The following ASIC2 variants were observed in gnomAD, a reference collection of about 807,000 sequenced individuals.
ASIC2 encodes acid sensing ion channel subunit 2.
Under a neutral mutation model 57.3 loss-of-function variants are expected in ASIC2, and 25 were observed. The observed-to-expected ratio is 0.44, with a 90% CI of 0.32 to 0.61. The LOEUF (loss-of-function observed/expected upper bound fraction) is 0.61, where lower values mean the gene tolerates loss of function less well. ASIC2 is among the 20% of genes least tolerant of loss of function. The pLI, the probability that ASIC2 is intolerant of heterozygous loss-of-function variation, is 0.06. For missense variants in ASIC2, 641 were observed against 738.1 expected, an observed-to-expected ratio of 0.87 and a Z score of 1.52; for synonymous variants, 319 against 307.5, an observed-to-expected ratio of 1.04 and a Z score of -0.39.
intron 1 of ASIC2, among the ~76,000 whole-genome samples, chr17:33,867,323 C>A (rs1413300997): frequency 6.6e-6 from 1 of 152,146 alleles, no homozygotes; most frequent in Non-Finnish European, 1.5e-5. Context: ...CTGTAATGCA[C>A]CAGGATCTTC....
intron 1 of ASIC2, among the ~76,000 whole-genome samples, chr17:33,414,928 G>T (rs114490370): frequency 6.6e-6 from 1 of 152,266 alleles, no homozygotes; most frequent in African/African-American, 2.4e-5. Flanking sequence ...CATGCAGTTT[G>T]GTTTCCCAAC....
chr17:34,154,031 A>C lies in ASIC2; in HGVS notation c.555+1947T>G. On this transcript the variant is annotated intron_variant, in intron 1 of 9. Transcript: ENST00000359872. ...GGAACTTAGACATGGATTCAGAAGA[A>C]GCCACCAGTTGGACATGCAGTCAGG... Among the ~76,000 whole-genome samples, 2 of 152,194 alleles carry C rather than the reference A, an allele frequency of 1.3e-5. 1 individual carries two copies. Among genetic ancestry groups the C allele is most frequent in the Non-Finnish European group, 2.9e-5 (2 of 68,040 alleles).
At chr17:33,475,598 C>T (rs974401093) in intron 1 of ASIC2, among the ~76,000 whole-genome samples, 11 of 152,170 alleles carry the variant, frequency 7.2e-5, no homozygotes, top group East Asian at 1.9e-4. Context: ...GGTTAAGTAA[C>T]GATGTCTGGT....
intron 1 of ASIC2, chr17:34,069,394 TC>T (rs1909312865): frequency 6.6e-6 from 1 of 152,046 alleles, no homozygotes; most frequent in Non-Finnish European, 1.5e-5. Context: ...TTTCTTTTTT[TC>T]CTTCTTTCTC....
chr17:33,658,044 T>C (rs1351768340), intron 1 of ASIC2, among the ~76,000 whole-genome samples: 1 of 152,150 alleles, frequency 6.6e-6, no homozygotes, highest in African/African-American at 2.4e-5. Context: ...GACAAAGACT[T>C]TGGGCTGAAG....
chr17:33,257,348 C>A (rs907914470), intron 1 of ASIC2, among the ~76,000 whole-genome samples: 7 of 152,200 alleles, frequency 4.6e-5, no homozygotes, highest in Non-Finnish European at 8.8e-5. Context: ...GAGATTTGAA[C>A]ATCTCTCCAT....
intron 1 of ASIC2, among the ~76,000 whole-genome samples, chr17:34,145,756 C>T (rs138690399): frequency 6.9e-4 from 105 of 152,330 alleles, no homozygotes; most frequent in African/African-American, 2.3e-3. Flanking sequence ...TTCTTTCATA[C>T]GCTCCTCATC....
At chr17:33,323,388 A>T (rs1906945882) in intron 1 of ASIC2, among the ~76,000 whole-genome samples, 1 of 152,278 alleles carries the variant, frequency 6.6e-6, no homozygotes, top group Non-Finnish European at 1.5e-5. Flanking sequence ...AACAATATGG[A>T]AGAGTCTCAC....
chr17:33,563,948 C>G (rs866856632), intron 1 of ASIC2, among the ~76,000 whole-genome samples: 25 of 152,168 alleles, frequency 1.6e-4, no homozygotes, highest in African/African-American at 5.6e-4. Context: ...ACATGCATCT[C>G]TAACTCTGGT....
At chr17:33,233,916 C>T (rs1299197433) in intron 1 of ASIC2, among the ~76,000 whole-genome samples, 2 of 152,196 alleles carry the variant, frequency 1.3e-5, no homozygotes, top group African/African-American at 2.4e-5. Context: ...TTTCTTTAGG[C>T]GGGACAGCCC....
At chr17:33,592,461 A>AGG (rs1904857592) in intron 1 of ASIC2, among the ~76,000 whole-genome samples, 1 of 152,236 alleles carries the variant, frequency 6.6e-6, no homozygotes, top group African/African-American at 2.4e-5. Context: ...GGAAGCTTAG[A>AGG]GGGGGTCAGC....
At chr17:33,678,807 C>T (rs954120955) in intron 1 of ASIC2, among the ~76,000 whole-genome samples, 6 of 152,128 alleles carry the variant, frequency 3.9e-5, no homozygotes, top group African/African-American at 1.4e-4. Flanking sequence ...CATCAGTCAG[C>T]GGGCATCCCA....
At chr17:33,383,219 G>A (rs1218958051) in intron 1 of ASIC2, among the ~76,000 whole-genome samples, 7 of 152,080 alleles carry the variant, frequency 4.6e-5, no homozygotes, top group Admixed American at 1.3e-4. Context: ...CACTTATTAC[G>A]TGGATTTCAA....
At chr17:33,261,739 C>G (rs1909287926) in intron 1 of ASIC2, among the ~76,000 whole-genome samples, 1 of 152,188 alleles carries the variant, frequency 6.6e-6, no homozygotes, top group African/African-American at 2.4e-5. Context: ...AAGTGACTTG[C>G]AAGCAGTCAG....
At chr17:33,502,713 T>A (rs1408960565) in intron 1 of ASIC2, among the ~76,000 whole-genome samples, 4 of 152,196 alleles carry the variant, frequency 2.6e-5, no homozygotes, top group Non-Finnish European at 5.9e-5. Context: ...AAATCAGTTC[T>A]TCTTTTTCTG....
chr17:33,844,372 A>T (rs761456770), intron 1 of ASIC2, among the ~76,000 whole-genome samples: 2 of 152,166 alleles, frequency 1.3e-5, no homozygotes, highest in African/African-American at 2.4e-5. Context: ...ACTGGATGGG[A>T]TGGAGTCATA....
chr17:33,894,407 G>T (rs577296988), intron 1 of ASIC2, among the ~76,000 whole-genome samples: 1 of 151,368 alleles, frequency 6.6e-6, no homozygotes, highest in East Asian at 2.0e-4. Context: ...TGGGCCTCAT[G>T]ATGTTCCAGT....
chr17:34,039,133 C>A (rs908242317), intron 1 of ASIC2: 2 of 1,613,852 alleles, frequency 1.2e-6, no homozygotes, highest in Non-Finnish European at 1.7e-6. Context: ...ATCAATCTGC[C>A]GTCTCAAATC....
At chr17:33,863,900 G>GTTTTTTT (rs1031021531) in intron 1 of ASIC2, among the ~76,000 whole-genome samples, 3 of 72,488 alleles carry the variant, frequency 4.1e-5, no homozygotes, top group Non-Finnish European at 6.2e-5. Context: ...CTCTTTTTTT[G>GTTTTTTT]TTTTTTTTTT....
Sources: gnomAD v4.1 joint callset for allele counts (sites outside exome capture counted in the v4.1 genomes callset) on GRCh38, gnomAD v4.1.1 for gene constraint, MANE v1.5 for transcripts, NCBI Gene and HGNC (gene_info 2026-07-23, HGNC 2026-07-21) for gene names.